Variants in NDE1 observed in about 807,000 individuals in gnomAD.
NDE1 encodes nudE neurodevelopment protein 1.
In NDE1, 28 loss-of-function variants were observed where a neutral mutation model predicts 43.4. That is an observed-to-expected ratio of 0.65 (90% CI 0.48 to 0.89). The LOEUF (loss-of-function observed/expected upper bound fraction) is 0.89. Among genes scored for constraint, NDE1 ranks in the 40% least tolerant of loss-of-function variants. The probability of loss-of-function intolerance (pLI) is 0.00; values close to 1 mark genes in which losing one functional copy is unlikely to be tolerated. For synonymous variants in NDE1, 184 were observed against 172.0 expected (o/e 1.07, Z -0.55); for missense variants, 441 against 434.1 (o/e 1.02, Z -0.14).
In NDE1 at chr16:15,659,245, A is replaced by C. The variant is rs549515988; in HGVS notation, c.-43-5491A>C. 6.6e-4 allele frequency among the ~76,000 whole-genome samples: 101 copies of C among 152,154 alleles called. 1 individual carries two copies. Among genetic ancestry groups the C allele is most frequent in the African/African-American group, 2.0e-3 (83 of 41,514 alleles). ...GGCTCACTAACTTCCACCAGAAGTTAGTGGTGGTGTCTGTGTTGACACTTA... is the reference window on the plus strand; with the variant it reads ...GGCTCACTAACTTCCACCAGAAGTTCGTGGTGGTGTCTGTGTTGACACTTA... On this transcript the variant is annotated intron_variant, in intron 1 of 8. Coordinates refer to ENST00000396354, the MANE Select transcript of NDE1 (RefSeq NM_017668.3).
chr16:15,660,094 A>G (rs1161377326), intron 1 of NDE1, among the ~76,000 whole-genome samples: 1 of 152,102 alleles, frequency 6.6e-6, no homozygotes, highest in Non-Finnish European at 1.5e-5. Context: ...ACAAGCTCAG[A>G]GCCTCAAATA....
At chr16:15,686,209 C>T (rs2038431048) in intron 4 of NDE1, among the ~76,000 whole-genome samples, 1 of 152,162 alleles carries the variant, frequency 6.6e-6, no homozygotes. Context: ...GCCTCGGCCT[C>T]CCAAAGTGCT....
intron 8 of NDE1, chr16:15,714,654 C>A: frequency 3.4e-6 from 2 of 586,986 alleles, no homozygotes; most frequent in Non-Finnish European, 6.1e-6. Context: ...CCTCCTCAGC[C>A]GGAGGACCGG....
intron 1 of NDE1, among the ~76,000 whole-genome samples, chr16:15,663,444 A>G (rs1171421237): frequency 6.6e-6 from 1 of 151,468 alleles, no homozygotes; most frequent in East Asian, 2.0e-4. Flanking sequence ...GAGTTTCACC[A>G]TATTGGCCAG....
intron 8 of NDE1, among the ~76,000 whole-genome samples, chr16:15,711,940 G>A (rs554614949): frequency 3.9e-5 from 6 of 152,170 alleles, no homozygotes; most frequent in African/African-American, 1.4e-4. Flanking sequence ...TGATCAGCCT[G>A]CGTTGGCCTC....
At chr16:15,706,137 G>A (rs994291077) in intron 8 of NDE1, among the ~76,000 whole-genome samples, 2 of 152,054 alleles carry the variant, frequency 1.3e-5, no homozygotes, top group Admixed American at 1.3e-4. Flanking sequence ...GCAGTGCAGC[G>A]ATCAGGAATA....
intron 1 of NDE1, chr16:15,651,890 A>G (rs918947151): frequency 2.0e-5 from 3 of 152,060 alleles, no homozygotes; most frequent in Non-Finnish European, 4.4e-5. Flanking sequence ...TTTTGTTTCC[A>G]AAGTGTGTTA....
intron 3 of NDE1, chr16:15,672,562 G>A (rs1190250187): frequency 3.3e-5 from 5 of 152,116 alleles, no homozygotes; most frequent in African/African-American, 9.7e-5. Context: ...TATTCATCAC[G>A]GGTTGAATGA....
chr16:15,718,064 T>A, intron 8 of NDE1: 1 of 582,668 alleles, frequency 1.7e-6, no homozygotes, highest in East Asian at 3.0e-5. Context: ...GGGATGGCCG[T>A]GAGGTACGGG....
upstream of NDE1, among the ~76,000 whole-genome samples, chr16:15,645,364 C>T (rs1248271432): frequency 1.3e-5 from 2 of 152,114 alleles, no homozygotes; most frequent in African/African-American, 2.4e-5. Context: ...GGCATGGTGA[C>T]TCATGTCGTA....
intron 8 of NDE1, among the ~76,000 whole-genome samples, chr16:15,709,314 T>C (rs2039647315): frequency 6.6e-6 from 1 of 151,310 alleles, no homozygotes; most frequent in East Asian, 2.0e-4. Context: ...GTGAGGCTGG[T>C]AGATGAAAGG....
At chr16:15,699,127 G>A (rs2039134636) in intron 8 of NDE1, among the ~76,000 whole-genome samples, 1 of 152,026 alleles carries the variant, frequency 6.6e-6, no homozygotes, top group African/African-American at 2.4e-5. Flanking sequence ...TTGAGTTTGA[G>A]AATACACCTC....
Position 15,679,918 on chromosome 16 carries a change from A to G in NDE1, c.386+1969A>G, listed in dbSNP as rs541917540. On this transcript the variant is annotated intron_variant, in intron 4 of 8. Transcript: ENST00000396354. ...CTCAACCTCCGGAGTAGCTGGGATT[A>G]CAGGTGTGTGTTACCACACCCGGCT... 3.3e-5 allele frequency among the ~76,000 whole-genome samples: 5 copies of G among 152,270 alleles called. No homozygotes were observed. In the East Asian group the frequency reaches 9.6e-4, roughly 29 times the overall value.
intron 4 of NDE1, among the ~76,000 whole-genome samples, chr16:15,682,381 C>A (rs900306194): frequency 1.3e-5 from 2 of 152,148 alleles, no homozygotes; most frequent in East Asian, 3.8e-4. Flanking sequence ...ATTTTAAAGA[C>A]TTGAAAATGT....
At chr16:15,708,487 A>G (rs2039588954) in intron 8 of NDE1, among the ~76,000 whole-genome samples, 2 of 152,224 alleles carry the variant, frequency 1.3e-5, no homozygotes, top group African/African-American at 4.8e-5. Flanking sequence ...CATGAAAGGA[A>G]GAAAAATCCA....
At position 15,673,023 on chromosome 16, in the gene NDE1, G is replaced by A. The variant is rs537392172; in HGVS notation, c.238-4778G>A. 5.3e-5 allele frequency among the ~76,000 whole-genome samples: 8 copies of A among 152,266 alleles called. No individual in the cohort carries two copies. The East Asian group carries it at 1.2e-3, about 22-fold the overall frequency. ...GGAGTCTTCTTGCACAATGGCTCTCGCCACGCCTCTCTGGCCTAGGCACCA... is the reference window on the plus strand; with the variant it reads ...GGAGTCTTCTTGCACAATGGCTCTCACCACGCCTCTCTGGCCTAGGCACCA... On this transcript the variant is annotated intron_variant, in intron 3 of 8. Transcript: ENST00000396354.
intron 1 of NDE1, among the ~76,000 whole-genome samples, chr16:15,663,502 A>G (rs187628903): frequency 1.3e-5 from 2 of 151,874 alleles, no homozygotes; most frequent in Non-Finnish European, 2.9e-5. Flanking sequence ...TCAGCCTCCC[A>G]GTGTGCTGGG....
intron 8 of NDE1, chr16:15,721,278 C>T (rs944481523): frequency 4.7e-6 from 5 of 1,062,112 alleles, no homozygotes; most frequent in African/African-American, 1.6e-5. Context: ...CTCCCAGCCC[C>T]TGCACCAGTC....
chr16:15,693,681 C>T (rs949468636), intron 6 of NDE1, among the ~76,000 whole-genome samples: 2 of 151,972 alleles, frequency 1.3e-5, no homozygotes, highest in Non-Finnish European at 2.9e-5. Flanking sequence ...GGCTCACGCC[C>T]GTAATCCCAG....
Sources: allele counts gnomAD v4.1 joint callset (sites outside exome capture counted in the v4.1 genomes callset), GRCh38; gene constraint gnomAD v4.1.1; transcripts MANE v1.5; gene names NCBI Gene and HGNC (gene_info 2026-07-23, HGNC 2026-07-21).